The following ACSS1 variants were observed in gnomAD, a reference collection of about 807,000 sequenced individuals.
ACSS1 encodes acetyl-coenzyme A synthetase 2-like, mitochondrial.
In ACSS1, 42 loss-of-function variants were observed where a neutral mutation model predicts 75.3. That is an observed-to-expected ratio of 0.56 (90% CI 0.44 to 0.72). The LOEUF is 0.72. ACSS1 is among the 30% of genes least tolerant of loss of function. The probability of loss-of-function intolerance (pLI) is 0.00; values close to 1 mark genes in which losing one functional copy is unlikely to be tolerated. For missense variants in ACSS1, 782 were observed against 935.7 expected (o/e 0.84, Z 2.14); for synonymous variants, 380 against 376.8 (o/e 1.01, Z -0.10).
At chr20:25,021,193 C>T (rs1338523720) in intron 6 of ACSS1, among the ~76,000 whole-genome samples, 196 bp downstream of exon 6, 1 of 152,242 alleles carries the variant, frequency 6.6e-6, no homozygotes, top group East Asian at 1.9e-4. Flanking sequence ...AGTCAGACTC[C>T]CTGCTGCTGC....
Position 25,006,560 on chromosome 20 carries a change from G to A in ACSS1, c.*1202C>T. 1 of 374,930 alleles carries A rather than the reference G, an allele frequency of 2.7e-6. No individual in the cohort carries two copies. Among genetic ancestry groups the A allele is most frequent in the Non-Finnish European group, 5.0e-6 (1 of 200,798 alleles). The allele number at this position is 374,930 out of a possible 1,614,324, so 23.2% of individuals were successfully genotyped here. A position where few individuals can be genotyped will look rare whatever the true frequency, so the allele number is the denominator to read the frequency against. On this transcript the variant is annotated 3_prime_UTR_variant, in exon 14 of 14. Coordinates refer to ENST00000323482, the MANE Select transcript of ACSS1 (RefSeq NM_032501.4). ...CCCCGAACACTGGCACTGCCACAAG[G>A]CCCTGAAGGGTAGACTGTGGGGCAA...
intron 7 of ACSS1, among the ~76,000 whole-genome samples, chr20:25,018,598 C>A (rs369941631): frequency 6.6e-6 from 1 of 152,180 alleles, no homozygotes; most frequent in Non-Finnish European, 1.5e-5. Context: ...TGCTGAGTGA[C>A]CTCAGGCCGG....
intron 4 of ACSS1, 62 bp from the exon 5 acceptor site, chr20:25,023,154 C>T (rs1027462140): frequency 3.2e-6 from 5 of 1,550,710 alleles, no homozygotes; most frequent in Non-Finnish European, 4.4e-6. Flanking sequence ...GAGCAGCACT[C>T]CCCCTCCGCA....
chr20:25,043,227 T>C (rs2089033896), intron 2 of ACSS1, among the ~76,000 whole-genome samples: 1 of 152,218 alleles, frequency 6.6e-6, no homozygotes, highest in Admixed American at 6.5e-5. Context: ...CCACAAAGCC[T>C]TCTCCACCTA....
At chr20:25,015,941 C>A (rs564067422) in intron 7 of ACSS1, among the ~76,000 whole-genome samples, 2 of 152,292 alleles carry the variant, frequency 1.3e-5, no homozygotes, top group Admixed American at 1.3e-4. Flanking sequence ...CAAAACATGA[C>A]CCCTGACGTA....
chr20:25,017,945 C>T (rs1600313204), intron 7 of ACSS1, among the ~76,000 whole-genome samples: 1 of 152,322 alleles, frequency 6.6e-6, no homozygotes, highest in East Asian at 1.9e-4. Flanking sequence ...TTTCTATGGC[C>T]CTGGCCACCC....
chr20:25,017,354 G>A (rs1361780624), intron 7 of ACSS1, among the ~76,000 whole-genome samples: 1 of 152,220 alleles, frequency 6.6e-6, no homozygotes, highest in African/African-American at 2.4e-5. Flanking sequence ...GCCTGGAATG[G>A]GTCTGGGCTG....
chr20:25,041,224 C>T (rs1198379940), intron 2 of ACSS1, among the ~76,000 whole-genome samples: 1 of 149,010 alleles, frequency 6.7e-6, no homozygotes, highest in African/African-American at 2.5e-5. Context: ...CGCCACTGTA[C>T]TCCAGCCTGG....
chr20:25,046,983 T>C, intron 2 of ACSS1: 1 of 772,620 alleles, frequency 1.3e-6, no homozygotes, highest in South Asian at 1.4e-5. Flanking sequence ...GCCTGAGGGC[T>C]CCTGGGGGCC....
intron 1 of ACSS1, among the ~76,000 whole-genome samples, chr20:25,050,956 A>G (rs1270328987): frequency 6.6e-6 from 1 of 152,180 alleles, no homozygotes; most frequent in South Asian, 2.1e-4. Flanking sequence ...GGTCCAGCAG[A>G]TCAGAACAGA....
intron 3 of ACSS1, among the ~76,000 whole-genome samples, 153 bp downstream of exon 3, chr20:25,030,606 A>G (rs977299265): frequency 1.3e-5 from 2 of 152,198 alleles, no homozygotes; most frequent in Non-Finnish European, 2.9e-5. Flanking sequence ...ACAAATTCTC[A>G]TTCGGCCATG....
chr20:25,017,407 G>A (rs1189446397), intron 7 of ACSS1, among the ~76,000 whole-genome samples: 1 of 152,228 alleles, frequency 6.6e-6, no homozygotes, highest in Admixed American at 6.5e-5. Flanking sequence ...GCTGGCCCTG[G>A]CCAAGGTGTG....
chr20:25,057,595 G>A (rs7265721), intron 1 of ACSS1, among the ~76,000 whole-genome samples, 174 bp downstream of exon 1: 1 of 152,046 alleles, frequency 6.6e-6, no homozygotes, highest in African/African-American at 2.4e-5. Context: ...GATGAGGGAC[G>A]GGGTGACGTG....
rs573495518 is a variant in ACSS1 at position 25,048,427 on chromosome 20, C to A, written c.335-246G>T. Reference sequence around the variant, plus strand: ...AAGTGGTTGCTTCACACCAGTGGACCCAACCCTGGCTGCATATTGGCATCT... The same window carrying A: ...AAGTGGTTGCTTCACACCAGTGGACACAACCCTGGCTGCATATTGGCATCT... On this transcript the variant is annotated intron_variant, in intron 1 of 13. Coordinates refer to ENST00000323482, the MANE Select transcript of ACSS1 (RefSeq NM_032501.4). Among the ~76,000 whole-genome samples, 17 of 152,258 alleles carry A rather than the reference C, an allele frequency of 1.1e-4. No individual in the cohort carries two copies. In the South Asian group the frequency reaches 3.5e-3, roughly 32 times the overall value.
chr20:25,030,688 G>T, intron 3 of ACSS1, 71 bp downstream of exon 3: 1 of 1,559,232 alleles, frequency 6.4e-7, no homozygotes, highest in Non-Finnish European at 8.8e-7. Context: ...TCTCTACACT[G>T]ATGGCCAGGC....
chr20:25,057,268 CTGTT>C (rs1338349976), intron 1 of ACSS1, among the ~76,000 whole-genome samples: 1 of 152,258 alleles, frequency 6.6e-6, no homozygotes, highest in Non-Finnish European at 1.5e-5. Flanking sequence ...CGCCACAGCT[CTGTT>C]TGTTTACGTG....
Position 25,012,480 on chromosome 20 carries a change from G to C in ACSS1, c.1771+121C>G. 6 of 1,231,894 alleles carry C rather than the reference G, an allele frequency of 4.9e-6. No homozygotes were observed. In the South Asian group the frequency reaches 8.0e-5, roughly 16 times the overall value. The allele number at this position is 1,231,894 out of a possible 1,614,324, so 76.3% of individuals were successfully genotyped here. A position where few individuals can be genotyped will look rare whatever the true frequency, so the allele number is the denominator to read the frequency against. ...TTTCCACTTGAGAGAGAAGAACACTGAGAGCTTGGCCCACAGTATCCCCTA... is the reference window on the plus strand; with the variant it reads ...TTTCCACTTGAGAGAGAAGAACACTCAGAGCTTGGCCCACAGTATCCCCTA... On this transcript the variant is annotated intron_variant, in intron 12 of 13. Transcript: ENST00000323482.
At chr20:25,050,979 G>A (rs936730304) in intron 1 of ACSS1, among the ~76,000 whole-genome samples, 2 of 152,128 alleles carry the variant, frequency 1.3e-5, no homozygotes, top group African/African-American at 4.8e-5. Context: ...CCCAAACACA[G>A]TGTCCCCCAG....
intron 6 of ACSS1, 50 bp downstream of exon 6, chr20:25,021,339 C>T (rs554478778): frequency 9.8e-5 from 156 of 1,596,142 alleles, no homozygotes; most frequent in Non-Finnish European, 1.3e-4. Context: ...GCCTCAGGCT[C>T]TCTCCCCTGA....
Sources: gnomAD v4.1 joint callset for allele counts (sites outside exome capture counted in the v4.1 genomes callset) on GRCh38, gnomAD v4.1.1 for gene constraint, MANE v1.5 for transcripts, NCBI Gene and HGNC (gene_info 2026-07-23, HGNC 2026-07-21) for gene names.